GEMIN7: variants seen among roughly 807,000 people sequenced by gnomAD.
GEMIN7 encodes the protein gem nuclear organelle associated protein 7.
Under a neutral mutation model 7.8 loss-of-function variants are expected in GEMIN7, and 7 were observed. The ratio of observed to expected loss-of-function variants is 0.90; its 90% CI spans 0.51 to 1.69. The LOEUF is 1.69. GEMIN7 is among the 40% of genes most tolerant of loss of function. The probability of loss-of-function intolerance (pLI) is 0.00; values close to 1 mark genes in which losing one functional copy is unlikely to be tolerated. For synonymous variants in GEMIN7, 68 were observed against 72.4 expected, an observed-to-expected ratio of 0.94 and a Z score of 0.31; for missense variants, 159 against 176.2, an observed-to-expected ratio of 0.90 and a Z score of 0.55.
chr19:45,076,027 C>T (rs2122638128), upstream of GEMIN7: 3 of 1,570,308 alleles, frequency 1.9e-6, no homozygotes, highest in Non-Finnish European at 1.7e-6. The surrounding 1 kb of genome is among the most constrained non-coding windows in gnomAD (Gnocchi z 4.9). Context: ...AGGGTCCCAC[C>T]CGAGGGTCAA....
At chr19:45,086,483 A>G (rs914505849) in intron 2 of GEMIN7, among the ~76,000 whole-genome samples, 6 of 152,120 alleles carry the variant, frequency 3.9e-5, no homozygotes, top group Non-Finnish European at 7.4e-5. Context: ...TACACATTCA[A>G]CATCATAGCA....
At chr19:45,080,350 C>G (rs996639139) in intron 2 of GEMIN7, among the ~76,000 whole-genome samples, 2 of 151,930 alleles carry the variant, frequency 1.3e-5, no homozygotes, top group African/African-American at 4.8e-5. Context: ...CTTCCTCCAC[C>G]CTCCAGCTTG....
chr19:45,085,285 C>G (rs1967643059), intron 2 of GEMIN7: 1 of 152,154 alleles, frequency 6.6e-6, no homozygotes, highest in African/African-American at 2.4e-5. Flanking sequence ...TTGTCTGCAT[C>G]AGTGTTTCAT....
upstream of GEMIN7, chr19:45,075,657 C>T: frequency 6.3e-7 from 1 of 1,596,232 alleles, no homozygotes; most frequent in Non-Finnish European, 8.6e-7. Context: ...AGCCCCTTTC[C>T]AGCAGGAAGC....
upstream of GEMIN7, chr19:45,076,754 G>C (rs183295016): frequency 5.2e-6 from 1 of 194,174 alleles, no homozygotes; most frequent in Non-Finnish European, 1.0e-5. The surrounding 1 kb of genome is among the most constrained non-coding windows in gnomAD (Gnocchi z 4.9). Context: ...AAAAATAGTC[G>C]GTCACGTTTC....
chr19:45,083,057 AG>A (rs1185501023), intron 2 of GEMIN7, among the ~76,000 whole-genome samples: 2 of 152,242 alleles, frequency 1.3e-5, no homozygotes, highest in Non-Finnish European at 2.9e-5. Context: ...ACTGTGGCAG[AG>A]TTGAGCAGTG....
Position 45,079,906 on chromosome 19 carries a change from G to C in GEMIN7, c.-131-1G>C, listed in dbSNP as rs977283047. ...CGTCAACACCTTGGTTAATTAATTA[G>C]GTCTGGCGGCTTCTCTGTTGACAAC... On this transcript the variant is annotated splice_acceptor_variant, in intron 1 of 2. Transcript: ENST00000270257. LOFTEE classifies it low-confidence loss of function (5UTR_SPLICE). 6.6e-6 allele frequency: 1 copy of C among 152,248 alleles called. No homozygotes were observed. Among genetic ancestry groups the C allele is most frequent in the Non-Finnish European group, 1.5e-5 (1 of 68,066 alleles). 9.4% of individuals were successfully genotyped at this position (152,248 alleles called of 1,614,324 possible). A position where few individuals can be genotyped will look rare whatever the true frequency, so the allele number is the denominator to read the frequency against.
At chr19:45,086,000 TG>T (rs1490804112) in intron 2 of GEMIN7, among the ~76,000 whole-genome samples, 1 of 149,074 alleles carries the variant, frequency 6.7e-6, no homozygotes, top group Admixed American at 6.7e-5. Context: ...CCCGAGTAGC[TG>T]GGACTACAGG....
intron 2 of GEMIN7, among the ~76,000 whole-genome samples, chr19:45,083,877 G>T (rs1387263288): frequency 6.6e-6 from 1 of 151,764 alleles, no homozygotes; most frequent in African/African-American, 2.4e-5. Context: ...GGAATTACAG[G>T]TGTGAGCCAC....
intron 2 of GEMIN7, among the ~76,000 whole-genome samples, chr19:45,085,863 CTTTTTTTTTT>C (rs869044428): frequency 2.3e-5 from 2 of 88,412 alleles, no homozygotes; most frequent in Non-Finnish European, 4.1e-5. Context: ...ACAAGAATCT[CTTTTTTTTTT>C]TTTTTTTTTT....
chr19:45,078,649 A>G (rs1187072847), upstream of GEMIN7, among the ~76,000 whole-genome samples: 2 of 152,336 alleles, frequency 1.3e-5, no homozygotes, highest in East Asian at 3.9e-4. Context: ...ACCTGGCACT[A>G]GGCCTTGGTG....
chr19:45,076,285 A>G (rs1967349481), upstream of GEMIN7: 1 of 1,475,346 alleles, frequency 6.8e-7, no homozygotes, highest in Non-Finnish European at 9.0e-7. The surrounding 1 kb of genome is among the most constrained non-coding windows in gnomAD (Gnocchi z 4.9). Flanking sequence ...TTCGATGACG[A>G]GGTCCTGCAT....
rs953297182 is a variant in GEMIN7 at position 45,084,077 on chromosome 19, C to T, written c.-9+4048C>T. Among the ~76,000 whole-genome samples the T allele has an allele frequency of 4.0e-5, 6 of 151,456 alleles. No individual in the cohort carries two copies. The South Asian group carries it at 6.3e-4, about 16-fold the overall frequency. On this transcript the variant is annotated intron_variant, in intron 2 of 2. Transcript: ENST00000270257. Reference sequence around the variant, plus strand: ...AATAAAAATATCAGCTGGGCGTGGTCGCGGGCACCTGTAATCCCAGCTACT... The same window carrying T: ...AATAAAAATATCAGCTGGGCGTGGTTGCGGGCACCTGTAATCCCAGCTACT...
chr19:45,084,079 C>T (rs1010485958), intron 2 of GEMIN7, among the ~76,000 whole-genome samples: 3 of 151,712 alleles, frequency 2.0e-5, no homozygotes, highest in Admixed American at 1.3e-4. Context: ...GGCGTGGTCG[C>T]GGGCACCTGT....
Position 45,090,563 on chromosome 19 carries a change from C to T in GEMIN7, c.*53C>T. 1 of 1,521,278 alleles carries T rather than the reference C, an allele frequency of 6.6e-7. No homozygotes were observed. Among genetic ancestry groups the T allele is most frequent in the Non-Finnish European group, 8.9e-7 (1 of 1,117,604 alleles). The allele number at this position is 1,521,278 out of a possible 1,614,324, so 94.2% of individuals were successfully genotyped here. ...GGCTAAGGCACTGTATCCCAGGCCT[C>T]CCAATGTTCCCGAGCCAGGAACTCT... On this transcript the variant is annotated 3_prime_UTR_variant, in exon 3 of 3. Transcript: ENST00000270257.
rs556558004 is a variant in GEMIN7 at position 45,082,534 on chromosome 19, G to A, written c.-9+2505G>A. Among the ~76,000 whole-genome samples the A allele has an allele frequency of 1.2e-4, 19 of 152,298 alleles. No individual in the cohort carries two copies. The South Asian group carries it at 2.7e-3, about 22-fold the overall frequency. On this transcript the variant is annotated intron_variant, in intron 2 of 2. Coordinates refer to ENST00000270257, the MANE Select transcript of GEMIN7 (RefSeq NM_024707.3). ...CGGAACTGGGCTCTCAGTCCTAGAC[G>A]TGTTTCCAAGACCGCCCAATGTGGG... is the stretch of plus-strand genomic sequence containing the variant.
In GEMIN7 at chr19:45,090,439, A is replaced by C; in HGVS notation, c.325A>C (p.Thr109Pro). 2 of 1,613,878 alleles carry C rather than the reference A, an allele frequency of 1.2e-6. No individual in the cohort carries two copies. Among genetic ancestry groups the C allele is most frequent in the African/African-American group, 2.7e-5 (2 of 74,972 alleles). The stretch of plus-strand genomic sequence containing the variant: ...CAACTTCTACGTGTCACAGCTGCAG[A>C]CTCCCATAGGTGTGCAAGCAGAGGC... ...VANFYVSQLQ[T>P]PIGVQAEALL... The change falls in exon 3 of 3, where the codon ACT becomes CCT. Residue 109 changes from threonine (T) to proline (P), a missense_variant. Coordinates refer to ENST00000270257, the MANE Select transcript of GEMIN7 (RefSeq NM_024707.3).
At chr19:45,076,350 G>T (rs1245530607), upstream of GEMIN7, 1 of 1,356,384 alleles carries the variant, frequency 7.4e-7, no homozygotes. This position sits in a 1 kb window ranked among gnomAD's most constrained non-coding sequence, Gnocchi z 4.9. Context: ...GGCGGGGCGC[G>T]CTGCCGGCCT....
chr19:45,090,049 T>G, intron 2 of GEMIN7, 58 bp from the exon 3 acceptor site: 2 of 1,523,366 alleles, frequency 1.3e-6, no homozygotes, highest in Admixed American at 3.8e-5. Context: ...TCCTCCCTCC[T>G]CCATTAGCCC....
Sources: allele counts gnomAD v4.1 joint callset (sites outside exome capture counted in the v4.1 genomes callset), GRCh38; gene constraint gnomAD v4.1.1; non-coding constraint Gnocchi (gnomAD v3.1); transcripts MANE v1.5; gene names NCBI Gene and HGNC (gene_info 2026-07-23, HGNC 2026-07-21).